The following ITM2B variants were observed in gnomAD, a reference collection of about 807,000 sequenced individuals.
ITM2B encodes integral membrane protein 2B.
A neutral mutation model predicts 27.8 loss-of-function variants in ITM2B; 11 were observed. That is an observed-to-expected ratio of 0.40 (90% CI 0.25 to 0.66). The LOEUF is 0.66. Ranked by LOEUF, ITM2B falls within the 30% of genes least tolerant of loss-of-function variation. The pLI is 0.43. For synonymous variants in ITM2B, 114 were observed against 114.3 expected (o/e 1.00, Z 0.02); for missense variants, 296 against 328.9 (o/e 0.90, Z 0.77).
chr13:48,256,164 A>G lies in ITM2B; in HGVS notation c.247-13A>G, dbSNP rs775445893. 2 of 1,597,194 alleles carry G rather than the reference A, an allele frequency of 1.3e-6. No homozygotes were observed. Among genetic ancestry groups the G allele is most frequent in the South Asian group, 2.2e-5 (2 of 90,748 alleles). On this transcript the variant is annotated splice_polypyrimidine_tract_variant and intron_variant, in intron 2 of 5. Transcript: ENST00000647800. ...TGCTGAATTGCTGAAATGAGTCTTT[A>G]AACTCTCTATAGCCAGATGACGTGT... is the stretch of plus-strand genomic sequence containing the variant.
At chr13:48,248,544 T>C (rs1223596190) in intron 1 of ITM2B, among the ~76,000 whole-genome samples, 1 of 152,190 alleles carries the variant, frequency 6.6e-6, no homozygotes, top group Non-Finnish European at 1.5e-5. Context: ...TTTCCTTACA[T>C]ATTCAAAAGT....
intron 1 of ITM2B, among the ~76,000 whole-genome samples, chr13:48,246,772 A>AG (rs1167716239): frequency 1.3e-5 from 2 of 152,180 alleles, no homozygotes; most frequent in African/African-American, 4.8e-5. Context: ...CCAAGTAGAG[A>AG]GAAAAAAAAG....
In ITM2B at chr13:48,268,924, T is replaced by G. The variant is rs545408514; in HGVS notation, c.*7700T>G. 10 of 152,306 alleles carry G rather than the reference T, an allele frequency of 6.6e-5. No individual in the cohort carries two copies. The East Asian group carries it at 1.9e-3, about 29-fold the overall frequency. The allele number at this position is 152,306 out of a possible 1,614,324, so 9.4% of individuals were successfully genotyped here. A position where few individuals can be genotyped will look rare whatever the true frequency, so the allele number is the denominator to read the frequency against. Reference sequence around the variant, plus strand: ...ATTTATAAATTTCAGTTTCTCATTGTTTTAGAATGGAAGGTCTAACCAAAT... The same window carrying G: ...ATTTATAAATTTCAGTTTCTCATTGGTTTAGAATGGAAGGTCTAACCAAAT... On this transcript the variant is annotated 3_prime_UTR_variant, in exon 6 of 6. Transcript: ENST00000647800.
intron 1 of ITM2B, among the ~76,000 whole-genome samples, chr13:48,242,212 A>C (rs557932233): frequency 7.2e-5 from 11 of 152,186 alleles, no homozygotes; most frequent in Admixed American, 2.0e-4. Context: ...GTATACTTTT[A>C]TTTTACTTCC....
At chr13:48,251,538 T>G (rs1951756420) in intron 1 of ITM2B, among the ~76,000 whole-genome samples, 1 of 152,236 alleles carries the variant, frequency 6.6e-6, no homozygotes, top group Non-Finnish European at 1.5e-5. Context: ...ATTCTCAAAA[T>G]GATTGTTGAA....
At chr13:48,255,731 A>C (rs1228357725) in intron 2 of ITM2B, among the ~76,000 whole-genome samples, 3 of 152,234 alleles carry the variant, frequency 2.0e-5, no homozygotes, top group African/African-American at 7.2e-5. Context: ...GAAATTTCAG[A>C]AAAATTATCC....
chr13:48,255,232 T>A (rs1566162914), intron 2 of ITM2B, among the ~76,000 whole-genome samples: 1 of 30,428 alleles, frequency 3.3e-5, no homozygotes, highest in Non-Finnish European at 5.6e-5. Context: ...GTGTGTGTAG[T>A]GTGTGTGTGT....
chr13:48,241,804 C>G lies in ITM2B; in HGVS notation c.117+8327C>G, dbSNP rs1451089530. Among the ~76,000 whole-genome samples the G allele has an allele frequency of 2.0e-5, 3 of 152,242 alleles. No individual in the cohort carries two copies. In the East Asian group the frequency reaches 5.8e-4, roughly 29 times the overall value. ...GGTGCTTAGCTTCTGGAAAATTGCA[C>G]TGTACAATTTTTATTGTATATAAAC... On this transcript the variant is annotated intron_variant, in intron 1 of 5. Transcript: ENST00000647800.
At chr13:48,255,566 T>G (rs1157511817) in intron 2 of ITM2B, among the ~76,000 whole-genome samples, 1 of 152,188 alleles carries the variant, frequency 6.6e-6, no homozygotes, top group Non-Finnish European at 1.5e-5. Flanking sequence ...CCCCACAAAG[T>G]ATTAGGATTA....
At position 48,261,326 on chromosome 13, in the gene ITM2B, G is replaced by T; in HGVS notation, c.*102G>T. The T allele has an allele frequency of 1.2e-6, 1 of 820,858 alleles. No homozygotes were observed. Among genetic ancestry groups the T allele is most frequent in the Non-Finnish European group, 2.1e-6 (1 of 474,572 alleles). 50.8% of individuals were successfully genotyped at this position (820,858 alleles called of 1,614,324 possible). A position where few individuals can be genotyped will look rare whatever the true frequency, so the allele number is the denominator to read the frequency against. On this transcript the variant is annotated 3_prime_UTR_variant, in exon 6 of 6. Coordinates refer to ENST00000647800, the MANE Select transcript of ITM2B (RefSeq NM_021999.5). ...TTTTTTAAAGTCTTCTTTCATGTAA[G>T]TAGCAAACAGGGCTTTACTATCTTT...
Position 48,261,232 on chromosome 13 carries a change from A to G in ITM2B, c.*8A>G, listed in dbSNP as rs1163491396. ...ACTTTAATTTGTTCTTGAACAGTCA[A>G]GAAAAACATTATTGAGGAAAATTAA... is the stretch of plus-strand genomic sequence containing the variant. On this transcript the variant is annotated 3_prime_UTR_variant, in exon 6 of 6. Transcript: ENST00000647800. The G allele has an allele frequency of 6.3e-7, 1 of 1,582,480 alleles. No homozygotes were observed. The highest frequency in any genetic ancestry group is 8.7e-7 in the Non-Finnish European group (1 of 1,151,748).
rs755713787 is a variant in ITM2B at position 48,269,501 on chromosome 13, G to A, written c.*8277G>A. The stretch of plus-strand genomic sequence containing the variant: ...AAGTCGAACAATGCCCTACCTGTAG[G>A]TAATCTAGGCCTCCAAAGCTCTTCT... On this transcript the variant is annotated 3_prime_UTR_variant, in exon 6 of 6. Coordinates refer to ENST00000647800, the MANE Select transcript of ITM2B (RefSeq NM_021999.5). 3.2e-4 allele frequency: 48 copies of A among 152,220 alleles called. No individual in the cohort carries two copies. The highest frequency in any genetic ancestry group is 3.1e-4 in the Non-Finnish European group (21 of 68,076). The allele number at this position is 152,220 out of a possible 1,614,324, so 9.4% of individuals were successfully genotyped here. A position where few individuals can be genotyped will look rare whatever the true frequency, so the allele number is the denominator to read the frequency against.
At chr13:48,241,298 G>A (rs1408125575) in intron 1 of ITM2B, among the ~76,000 whole-genome samples, 3 of 152,092 alleles carry the variant, frequency 2.0e-5, no homozygotes, top group South Asian at 2.1e-4. Flanking sequence ...TGCAACTTCC[G>A]CCTCCCAGGT....
At chr13:48,236,386 C>G (rs1172933630) in intron 1 of ITM2B, among the ~76,000 whole-genome samples, 2 of 152,056 alleles carry the variant, frequency 1.3e-5, no homozygotes, top group Non-Finnish European at 2.9e-5. Flanking sequence ...ATCAGAAGTC[C>G]CAGTTTTGTC....
At position 48,269,076 on chromosome 13, in the gene ITM2B, C is replaced by G. The variant is rs189516467; in HGVS notation, c.*7852C>G. On this transcript the variant is annotated 3_prime_UTR_variant, in exon 6 of 6. Transcript: ENST00000647800. ...CTTGTCCAATAGGCATTATCAGATA[C>G]AACATGTTCAAAGGCAAACTTGATT... is the stretch of plus-strand genomic sequence containing the variant. 4 of 152,300 alleles carry G rather than the reference C, an allele frequency of 2.6e-5. No individual in the cohort carries two copies. The highest frequency in any genetic ancestry group is 1.9e-4 in the East Asian group (1 of 5,192). 9.4% of individuals were successfully genotyped at this position (152,300 alleles called of 1,614,324 possible).
rs1042075786 is a variant in ITM2B, at chr13:48,258,856, C to T, written c.624C>T (p.Arg208=). 1.9e-6 allele frequency: 3 copies of T among 1,612,752 alleles called. No homozygotes were observed. The highest frequency in any genetic ancestry group is 3.3e-5 in the Admixed American group (2 of 60,018). ...ATGAGCACATGGTTATTACTGATCG[C>T]ATTGAAAACATTGATCACCTGGGTT... ...LIHEHMVITD[R]IENIDHLGFF... Residue 208 remains arginine (R), a synonymous_variant, in exon 5 of 6, where the codon CGC becomes CGT. Transcript: ENST00000647800.
chr13:48,239,875 G>T (rs1256336699), intron 1 of ITM2B, among the ~76,000 whole-genome samples: 1 of 152,080 alleles, frequency 6.6e-6, no homozygotes, highest in Non-Finnish European at 1.5e-5. Context: ...TAGCCCATGG[G>T]GTAAGAATGA....
At chr13:48,251,492 G>C (rs992858357) in intron 1 of ITM2B, among the ~76,000 whole-genome samples, 13 of 152,160 alleles carry the variant, frequency 8.5e-5, no homozygotes, top group Admixed American at 2.0e-4. Context: ...CCAGTGCCTA[G>C]CACAGCTCTT....
intron 1 of ITM2B, among the ~76,000 whole-genome samples, chr13:48,253,509 G>A (rs1055853226): frequency 3.3e-5 from 5 of 152,114 alleles, no homozygotes; most frequent in African/African-American, 1.2e-4. Flanking sequence ...ACCAAAAGTT[G>A]TGCATGGAAA....
Sources: gnomAD v4.1 joint callset for allele counts (sites outside exome capture counted in the v4.1 genomes callset) on GRCh38, gnomAD v4.1.1 for gene constraint, MANE v1.5 for transcripts, NCBI Gene and HGNC (gene_info 2026-07-23, HGNC 2026-07-21) for gene names.